Variants in EBF1 observed in about 807,000 individuals in gnomAD.
The protein encoded by EBF1 is EBF transcription factor 1.
EBF1 carries 10 observed loss-of-function variants against 68.4 expected under a neutral mutation model. That is an observed-to-expected ratio of 0.15 (90% CI 0.09 to 0.25). The LOEUF (loss-of-function observed/expected upper bound fraction) is 0.25, where lower values mean the gene tolerates loss of function less well. Ranked by LOEUF, EBF1 falls within the 10% of genes least tolerant of loss-of-function variation. The pLI is 1.00. For missense variants in EBF1, 509 were observed against 794.4 expected (o/e 0.64, Z 4.32); for synonymous variants, 298 against 299.8 (o/e 0.99, Z 0.06).
chr5:158,811,724 A>G (rs1193365472), intron 8 of EBF1, among the ~76,000 whole-genome samples: 1 of 152,202 alleles, frequency 6.6e-6, no homozygotes, highest in Non-Finnish European at 1.5e-5. Context: ...CTGTTAGCTC[A>G]TGATTAAGAA....
intron 10 of EBF1, among the ~76,000 whole-genome samples, chr5:158,747,480 A>G (rs1055657348): frequency 4.6e-5 from 7 of 152,170 alleles, no homozygotes; most frequent in Non-Finnish European, 1.0e-4. Flanking sequence ...TGACATCTTC[A>G]TATACATGAT....
chr5:158,761,836 T>G (rs1377677435), intron 10 of EBF1, among the ~76,000 whole-genome samples: 2 of 152,326 alleles, frequency 1.3e-5, no homozygotes, highest in East Asian at 3.9e-4. Flanking sequence ...TTATAGGCTG[T>G]TTTATTACAT....
intron 10 of EBF1, among the ~76,000 whole-genome samples, chr5:158,747,888 T>C (rs535443964): frequency 3.3e-5 from 5 of 152,290 alleles, no homozygotes; most frequent in African/African-American, 4.8e-5. Flanking sequence ...CTTAGGACGA[T>C]AGAGGGGTGA....
chr5:158,813,787 A>T (rs1316243254), intron 8 of EBF1, among the ~76,000 whole-genome samples: 15 of 152,156 alleles, frequency 9.9e-5, no homozygotes, highest in Admixed American at 9.8e-4. Flanking sequence ...TGCACATATA[A>T]CTGAAAATGG....
chr5:159,075,094 T>C (rs1303943819), intron 5 of EBF1, among the ~76,000 whole-genome samples: 2 of 152,206 alleles, frequency 1.3e-5, no homozygotes, highest in South Asian at 2.1e-4. Flanking sequence ...CTGACAGAGC[T>C]GCCTATCTCA....
At chr5:158,831,582 T>C (rs887677124) in intron 7 of EBF1, among the ~76,000 whole-genome samples, 1 of 152,192 alleles carries the variant, frequency 6.6e-6, no homozygotes, top group African/African-American at 2.4e-5. Context: ...ATCTTCCACC[T>C]AGATGATTCC....
intron 6 of EBF1, among the ~76,000 whole-genome samples, chr5:159,018,337 C>T (rs936488392): frequency 2.0e-5 from 3 of 152,190 alleles, no homozygotes; most frequent in Non-Finnish European, 4.4e-5. Context: ...TAAGATAAAA[C>T]TTCAGAAAGT....
chr5:159,057,085 C>CTTTCT lies in EBF1; in HGVS notation c.554+16306_554+16310dup, dbSNP rs1281027054. On this transcript the variant is annotated intron_variant, in intron 6 of 15. Transcript: ENST00000313708. ...CTCCTCCCTGTGACTGTTATAATTT[C>CTTTCT]TTTCTTTTCTTTTCTTTTCTTTTTT... Among the ~76,000 whole-genome samples the CTTTCT allele has an allele frequency of 1.6e-3, 239 of 145,222 alleles. 1 individual carries two copies. Among genetic ancestry groups the CTTTCT allele is most frequent in the African/African-American group, 5.8e-3 (228 of 39,394 alleles).
At chr5:158,744,525 A>G (rs1214562754) in intron 10 of EBF1, among the ~76,000 whole-genome samples, 2 of 152,246 alleles carry the variant, frequency 1.3e-5, no homozygotes, top group East Asian at 3.8e-4. Flanking sequence ...TACTAAGATC[A>G]TTAGCATAAA....
At chr5:158,974,494 C>T (rs549352145) in intron 6 of EBF1, among the ~76,000 whole-genome samples, 1 of 152,240 alleles carries the variant, frequency 6.6e-6, no homozygotes, top group East Asian at 1.9e-4. Flanking sequence ...AAAAAATCCT[C>T]ATTGGAAACA....
chr5:158,973,265 G>A (rs1158542691), intron 6 of EBF1, among the ~76,000 whole-genome samples: 2 of 152,118 alleles, frequency 1.3e-5, no homozygotes, highest in Non-Finnish European at 2.9e-5. Context: ...GGGGAGGAGA[G>A]GGAAGGATAT....
chr5:158,955,047 G>A (rs574394936), intron 6 of EBF1, among the ~76,000 whole-genome samples: 58 of 152,172 alleles, frequency 3.8e-4, no homozygotes, highest in Admixed American at 2.3e-3. Context: ...TAATTGGGCC[G>A]GGCGCAGTGG....
At chr5:159,094,273 A>G (rs1782191364) in intron 4 of EBF1, among the ~76,000 whole-genome samples, 1 of 151,402 alleles carries the variant, frequency 6.6e-6, no homozygotes, top group African/African-American at 2.4e-5. Flanking sequence ...ACCAAAAATT[A>G]TAAATGGTGA....
At chr5:158,910,239 G>C (rs938729666) in intron 6 of EBF1, among the ~76,000 whole-genome samples, 5 of 152,096 alleles carry the variant, frequency 3.3e-5, no homozygotes, top group South Asian at 4.2e-4. Context: ...TCAGAAACAG[G>C]GTGGCCACCC....
intron 6 of EBF1, among the ~76,000 whole-genome samples, chr5:158,918,196 ACTACTGGAAACT>A (rs1193118965): frequency 6.6e-6 from 1 of 152,202 alleles, no homozygotes; most frequent in Non-Finnish European, 1.5e-5. Flanking sequence ...AAGCCCTCAA[ACTACTGGAAACT>A]CTTTCAGTCT....
intron 6 of EBF1, among the ~76,000 whole-genome samples, chr5:159,057,590 G>C (rs917208414): frequency 7.2e-5 from 11 of 152,146 alleles, no homozygotes; most frequent in Non-Finnish European, 1.5e-4. Context: ...AGATGGCCCA[G>C]AGTAGTAGTA....
intron 6 of EBF1, among the ~76,000 whole-genome samples, chr5:159,012,073 G>T (rs1764778526): frequency 6.6e-6 from 1 of 152,060 alleles, no homozygotes; most frequent in Admixed American, 6.5e-5. Flanking sequence ...CGGATCACAA[G>T]GTCCAGAGTT....
chr5:158,805,691 C>T (rs2127775655), intron 8 of EBF1, among the ~76,000 whole-genome samples: 1 of 152,032 alleles, frequency 6.6e-6, no homozygotes, highest in East Asian at 1.9e-4. Context: ...TTCTAGGAAT[C>T]ATTCAATTCA....
chr5:158,756,424 TTTTTC>T (rs1272767072), intron 10 of EBF1, among the ~76,000 whole-genome samples: 1 of 152,268 alleles, frequency 6.6e-6, no homozygotes, highest in East Asian at 1.9e-4. Flanking sequence ...CAAATTTGAT[TTTTTC>T]TTTTGCCCCC....
Sources: allele counts gnomAD v4.1 joint callset (sites outside exome capture counted in the v4.1 genomes callset), GRCh38; gene constraint gnomAD v4.1.1; transcripts MANE v1.5; gene names NCBI Gene and HGNC (gene_info 2026-07-23, HGNC 2026-07-21).